Variants in EFCAB3 observed in about 807,000 individuals in gnomAD.
EFCAB3 encodes EF-hand calcium binding domain 3, also known as EF-hand calcium-binding domain-containing protein 3.
In EFCAB3, 36 loss-of-function variants were observed where a neutral mutation model predicts 42.2. That is an observed-to-expected ratio of 0.85 (90% CI 0.65 to 1.13). EFCAB3 has a LOEUF of 1.13. Among genes scored for constraint, EFCAB3 ranks in the 50% most tolerant of loss-of-function variants. EFCAB3 has a pLI of 0.00. For missense variants in EFCAB3, 418 were observed against 505.1 expected (o/e 0.83, Z 1.65); for synonymous variants, 170 against 172.8 (o/e 0.98, Z 0.13).
Position 62,404,164 on chromosome 17 carries a change from T to C in EFCAB3, c.489-2316T>C, listed in dbSNP as rs751659893. Among the ~76,000 whole-genome samples the C allele has an allele frequency of 3.1e-4, 47 of 152,260 alleles. 1 individual carries two copies. Among genetic ancestry groups the C allele is most frequent in the Admixed American group, 1.9e-3 (29 of 15,292 alleles). ...TGGGAGGCTGAGGCAGGAGGATCCC[T>C]TCAGCCCCAAGGGCTCTGGGCTATA... is the stretch of plus-strand genomic sequence containing the variant. On this transcript the variant is annotated intron_variant, in intron 6 of 9. Coordinates refer to ENST00000305286, the MANE Select transcript of EFCAB3 (RefSeq NM_173503.4).
intron 5 of EFCAB3, among the ~76,000 whole-genome samples, chr17:62,394,308 T>C (rs2070330884): frequency 6.6e-6 from 1 of 152,176 alleles, no homozygotes; most frequent in Non-Finnish European, 1.5e-5. Context: ...GCATTCCTTT[T>C]ATTTAAAAAA....
At chr17:62,405,075 T>C (rs968937379) in intron 6 of EFCAB3, among the ~76,000 whole-genome samples, 4 of 152,242 alleles carry the variant, frequency 2.6e-5, no homozygotes, top group African/African-American at 9.6e-5. Context: ...AGAATTTGTA[T>C]TTCCCACAAT....
At chr17:62,393,741 G>A (rs1230896276) in intron 5 of EFCAB3, 97 bp downstream of exon 5, 1 of 1,055,710 alleles carries the variant, frequency 9.5e-7, no homozygotes, top group Non-Finnish European at 1.4e-6. Flanking sequence ...GACAGGTCAG[G>A]AAGGTGTAGT....
chr17:62,373,887 A>G (rs1182804829), intron 2 of EFCAB3: 1 of 1,283,818 alleles, frequency 7.8e-7, no homozygotes, highest in South Asian at 1.3e-5. Flanking sequence ...AATTTATTAT[A>G]CAATATAAAA....
In EFCAB3 at chr17:62,403,726, C is replaced by T. The variant is rs1276945661; in HGVS notation, c.489-2754C>T. Among the ~76,000 whole-genome samples the T allele has an allele frequency of 2.6e-5, 4 of 152,182 alleles. No individual in the cohort carries two copies. In the East Asian group the frequency reaches 7.7e-4, roughly 29 times the overall value. The stretch of plus-strand genomic sequence containing the variant: ...GCAGTGGTGCGATCAAGGCTCATTG[C>T]AGCCTCTACCTCCCAAACTCAAGCA... On this transcript the variant is annotated intron_variant, in intron 6 of 9. Coordinates refer to ENST00000305286, the MANE Select transcript of EFCAB3 (RefSeq NM_173503.4).
chr17:62,381,882 G>T (rs2070204300), intron 1 of EFCAB3: 1 of 412,414 alleles, frequency 2.4e-6, no homozygotes, highest in Non-Finnish European at 4.9e-6. Context: ...TGGGGCTGTG[G>T]CTGTCTCTGC....
upstream of EFCAB3, chr17:62,378,024 T>C: frequency 6.5e-7 from 1 of 1,547,700 alleles, no homozygotes. Context: ...TAAAGGTGAG[T>C]GTGAAAGCTG....
At chr17:62,393,958 C>CT (rs34962512) in intron 5 of EFCAB3, among the ~76,000 whole-genome samples, 106 of 141,892 alleles carry the variant, frequency 7.5e-4, no homozygotes, top group African/African-American at 2.4e-3. Flanking sequence ...ATTATTTTGT[C>CT]TTTTTTTTTT....
upstream of EFCAB3, among the ~76,000 whole-genome samples, chr17:62,377,250 A>G (rs1428880419): frequency 6.6e-6 from 1 of 152,118 alleles, no homozygotes; most frequent in Non-Finnish European, 1.5e-5. Flanking sequence ...ATCACCAAGC[A>G]TTTTCCATGT....
At chr17:62,371,718 G>A (rs1046515634) in intron 1 of EFCAB3, among the ~76,000 whole-genome samples, 4 of 152,126 alleles carry the variant, frequency 2.6e-5, no homozygotes, top group South Asian at 4.1e-4. Context: ...GTATTAGGAA[G>A]AGATACACAG....
At chr17:62,396,569 A>G (rs577165943) in intron 6 of EFCAB3, among the ~76,000 whole-genome samples, 1 of 147,498 alleles carries the variant, frequency 6.8e-6, no homozygotes, top group South Asian at 2.1e-4. Context: ...AATAAAAAAG[A>G]AAAAAAAAAG....
rs758441418 is a variant in EFCAB3, at chr17:62,415,993, C to T, written c.991-10C>T. 48 of 1,590,792 alleles carry T rather than the reference C, an allele frequency of 3.0e-5. No homozygotes were observed. Among genetic ancestry groups the T allele is most frequent in the Admixed American group, 5.4e-5 (3 of 55,514 alleles). ...GGTAACTACAATAAACTTCTGGTCTCTCACTGCAGGTGAAGAGAGCTACTG... is the reference window on the plus strand; with the variant it reads ...GGTAACTACAATAAACTTCTGGTCTTTCACTGCAGGTGAAGAGAGCTACTG... On this transcript the variant is annotated splice_polypyrimidine_tract_variant and intron_variant, in intron 9 of 9. Coordinates refer to ENST00000305286, the MANE Select transcript of EFCAB3 (RefSeq NM_173503.4).
At chr17:62,386,564 C>G (rs1039877845) in intron 2 of EFCAB3, among the ~76,000 whole-genome samples, 2 of 152,042 alleles carry the variant, frequency 1.3e-5, no homozygotes, top group Non-Finnish European at 1.5e-5. Context: ...ATTTGAAACT[C>G]AAGGCTGAGA....
intron 2 of EFCAB3, among the ~76,000 whole-genome samples, chr17:62,385,202 G>A (rs2070238312): frequency 1.3e-5 from 2 of 152,158 alleles, no homozygotes; most frequent in African/African-American, 4.8e-5. Context: ...CCAACACTTT[G>A]GGAGGTAGAG....
intron 2 of EFCAB3, chr17:62,373,881 T>C (rs1244656427): frequency 1.5e-6 from 2 of 1,295,870 alleles, no homozygotes; most frequent in East Asian, 2.5e-5. Context: ...AGTGAAAATT[T>C]ATTATACAAT....
chr17:62,378,235 T>TATTTATATTTCACATATATTTATTCA (rs2070165997), upstream of EFCAB3, among the ~76,000 whole-genome samples: 1 of 152,230 alleles, frequency 6.6e-6, no homozygotes, highest in Non-Finnish European at 1.5e-5. Context: ...CATGTGATTA[T>TATTTATATTTCACATATATTTATTCA]CAGGTATTTT....
At chr17:62,408,604 A>G (rs979157360) in intron 8 of EFCAB3, among the ~76,000 whole-genome samples, 1 of 152,244 alleles carries the variant, frequency 6.6e-6, no homozygotes, top group African/African-American at 2.4e-5. Flanking sequence ...TTCCTCAGTC[A>G]CACCAGTCAC....
upstream of EFCAB3, among the ~76,000 whole-genome samples, chr17:62,376,484 T>C (rs1252888185): frequency 2.6e-5 from 4 of 152,164 alleles, no homozygotes; most frequent in Non-Finnish European, 5.9e-5. Context: ...TAAAGAAAGT[T>C]TTCTTTATAT....
intron 2 of EFCAB3, among the ~76,000 whole-genome samples, chr17:62,386,968 T>C (rs2070257155): frequency 6.6e-6 from 1 of 152,086 alleles, no homozygotes. Flanking sequence ...TTTTTTTATG[T>C]TTTTGTAGAG....
Sources: allele counts gnomAD v4.1 joint callset (sites outside exome capture counted in the v4.1 genomes callset), GRCh38; gene constraint gnomAD v4.1.1; transcripts MANE v1.5; gene names NCBI Gene and HGNC (gene_info 2026-07-23, HGNC 2026-07-21).